ANK1: variants seen among roughly 807,000 people sequenced by gnomAD.
The protein encoded by ANK1 is ankyrin 1, also known as ankyrin-1.
In ANK1, 51 loss-of-function variants were observed where a neutral mutation model predicts 210.4. The ratio of observed to expected loss-of-function variants is 0.24; its 90% CI spans 0.19 to 0.31. The LOEUF is 0.31. ANK1 is among the 10% of genes least tolerant of loss of function. The probability of loss-of-function intolerance (pLI) is 1.00; values close to 1 mark genes in which losing one functional copy is unlikely to be tolerated. For synonymous variants in ANK1, 967 were observed against 1,025.9 expected, an observed-to-expected ratio of 0.94 and a Z score of 1.10; for missense variants, 2,051 against 2,504.4, an observed-to-expected ratio of 0.82 and a Z score of 3.86.
rs869249907 is a variant in ANK1 at position 41,679,558 on chromosome 8, C to CTTTTT, written c.4537+4981_4537+4985dup. Among the ~76,000 whole-genome samples, 155 of 90,220 alleles carry CTTTTT rather than the reference C, an allele frequency of 1.7e-3. 2 individuals carry two copies. Among genetic ancestry groups the CTTTTT allele is most frequent in the East Asian group, 2.4e-3 (7 of 2,902 alleles). The allele number at this position is 90,220 out of a possible 152,430, so 59.2% of individuals were successfully genotyped here. On this transcript the variant is annotated intron_variant, in intron 37 of 42. Transcript: ENST00000289734. ...AGCTGTCTTGGTCTTCCTGGACTTT[C>CTTTTT]TTTTTTTTTTTTTTTTTTTTTTGAG...
chr8:41,819,446 G>A (rs1018839961), intron 1 of ANK1, among the ~76,000 whole-genome samples: 8 of 152,210 alleles, frequency 5.3e-5, no homozygotes, highest in Non-Finnish European at 8.8e-5. Flanking sequence ...ACAGACAGAC[G>A]AAGAAAGCTA....
At chr8:41,817,506 G>A (rs1449019634) in intron 1 of ANK1, among the ~76,000 whole-genome samples, 1 of 152,156 alleles carries the variant, frequency 6.6e-6, no homozygotes. Context: ...CTAAGAACTG[G>A]GTTGCAGCCT....
At chr8:41,711,662 A>G (rs62508180) in intron 16 of ANK1, among the ~76,000 whole-genome samples, 15 of 152,226 alleles carry the variant, frequency 9.9e-5, no homozygotes, top group Non-Finnish European at 2.1e-4. Context: ...AGAATCTCGG[A>G]ATCTGCCTAT....
intron 1 of ANK1, among the ~76,000 whole-genome samples, chr8:41,843,984 C>T (rs1437493899): frequency 6.6e-6 from 1 of 152,230 alleles, no homozygotes; most frequent in South Asian, 2.1e-4. Flanking sequence ...AAGTGGTCCT[C>T]CTGCTTCAGC....
At chr8:41,727,529 C>A (rs546561128) in intron 4 of ANK1, among the ~76,000 whole-genome samples, 181 bp from the exon 5 acceptor site, 1 of 152,290 alleles carries the variant, frequency 6.6e-6, no homozygotes, top group African/African-American at 2.4e-5. Flanking sequence ...CAAAAGGCCA[C>A]AGAGGCTGTG....
At chr8:41,750,173 G>A (rs1837338254) in intron 2 of ANK1, among the ~76,000 whole-genome samples, 1 of 152,190 alleles carries the variant, frequency 6.6e-6, no homozygotes, top group Admixed American at 6.5e-5. Flanking sequence ...ATTGTTATAG[G>A]CGCTCCATTT....
chr8:41,806,713 C>G (rs1347994570), intron 1 of ANK1, among the ~76,000 whole-genome samples: 1 of 152,140 alleles, frequency 6.6e-6, no homozygotes, highest in Non-Finnish European at 1.5e-5. Flanking sequence ...CCACTGCACT[C>G]CAGCCTTGGC....
intron 7 of ANK1, among the ~76,000 whole-genome samples, chr8:41,723,894 A>T (rs2150654045): frequency 6.8e-6 from 1 of 147,740 alleles, no homozygotes; most frequent in South Asian, 2.2e-4. Context: ...GGTTCACGCC[A>T]TTCTCCTGCC....
intron 2 of ANK1, among the ~76,000 whole-genome samples, chr8:41,743,399 A>G (rs564161731): frequency 6.6e-6 from 1 of 152,354 alleles, no homozygotes; most frequent in East Asian, 1.9e-4. Context: ...CTAGAGCTAT[A>G]TAAGTTTTGA....
intron 1 of ANK1, among the ~76,000 whole-genome samples, chr8:41,778,914 T>C (rs1014696460): frequency 2.0e-5 from 3 of 152,168 alleles, no homozygotes; most frequent in African/African-American, 7.2e-5. Flanking sequence ...GACATTCCTA[T>C]GGGAGGGAGG....
intron 1 of ANK1, among the ~76,000 whole-genome samples, chr8:41,823,940 C>A (rs1406544471): frequency 6.6e-6 from 1 of 151,970 alleles, no homozygotes; most frequent in East Asian, 1.9e-4. Flanking sequence ...CAAATAGTAT[C>A]TTTTTGAGTA....
chr8:41,870,688 C>A (rs1815302812), intron 1 of ANK1, among the ~76,000 whole-genome samples: 1 of 152,196 alleles, frequency 6.6e-6, no homozygotes, highest in African/African-American at 2.4e-5. Flanking sequence ...TTAGCCCACT[C>A]AAAGCTGAGC....
intron 1 of ANK1, among the ~76,000 whole-genome samples, chr8:41,826,437 C>T (rs1473355774): frequency 6.6e-6 from 1 of 152,100 alleles, no homozygotes; most frequent in Non-Finnish European, 1.5e-5. Flanking sequence ...CTACACCACC[C>T]ACTCCCTGGC....
chr8:41,659,833 TG>T lies in ANK1; in HGVS notation c.*36+1596del, dbSNP rs1448581847. ...GGTCCGGTCCTTAATCACCTGAGGT[TG>T]GGGGGCTTCAGCCACATTGCAGATC... On this transcript the variant is annotated intron_variant, in intron 42 of 42. Coordinates refer to ENST00000289734, the MANE Select transcript of ANK1 (RefSeq NM_000037.4). Among the ~76,000 whole-genome samples, 5 of 151,828 alleles carry T rather than the reference TG, an allele frequency of 3.3e-5. No homozygotes were observed. In the East Asian group the frequency reaches 9.7e-4, roughly 30 times the overall value.
intron 37 of ANK1, chr8:41,684,326 G>T (rs1355045176): frequency 8.2e-6 from 6 of 733,694 alleles, no homozygotes; most frequent in Non-Finnish European, 1.4e-5. Context: ...AAAGGCTAAG[G>T]CGGAGGCGAT....
chr8:41,746,677 G>A (rs972657458), intron 2 of ANK1, among the ~76,000 whole-genome samples: 2 of 152,168 alleles, frequency 1.3e-5, no homozygotes, highest in African/African-American at 4.8e-5. Flanking sequence ...ACTCGCAGCA[G>A]CCCTGTGCTC....
At chr8:41,718,028 A>G in intron 11 of ANK1, 78 bp downstream of exon 11, 1 of 1,396,418 alleles carries the variant, frequency 7.2e-7, no homozygotes, top group Non-Finnish European at 1.0e-6. Context: ...ATACAAAGCT[A>G]CAAAGAGCGA....
intron 1 of ANK1, among the ~76,000 whole-genome samples, chr8:41,826,557 G>A (rs1805419790): frequency 6.6e-6 from 1 of 152,122 alleles, no homozygotes; most frequent in Non-Finnish European, 1.5e-5. Context: ...ACCTCAGCCG[G>A]CCCTTCTCCA....
At chr8:41,806,397 A>G (rs1200569087) in intron 1 of ANK1, among the ~76,000 whole-genome samples, 1 of 152,126 alleles carries the variant, frequency 6.6e-6, no homozygotes, top group African/African-American at 2.4e-5. Context: ...AGATAAAGGG[A>G]AAAAAGGAGG....
Sources: gnomAD v4.1 joint callset for allele counts (sites outside exome capture counted in the v4.1 genomes callset) on GRCh38, gnomAD v4.1.1 for gene constraint, MANE v1.5 for transcripts, NCBI Gene and HGNC (gene_info 2026-07-23, HGNC 2026-07-21) for gene names.